Variants in RASSF3 observed in about 807,000 individuals in gnomAD.
RASSF3 encodes the protein Ras association domain family member 3, also known as ras association domain-containing protein 3.
A neutral mutation model predicts 19.9 loss-of-function variants in RASSF3; 19 were observed. The observed-to-expected ratio is 0.96, with a 90% confidence interval of 0.67 to 1.40. The LOEUF is 1.40. RASSF3 is among the 40% of genes most tolerant of loss of function. RASSF3 has a pLI of 0.00. For synonymous variants in RASSF3, 110 were observed against 104.2 expected (o/e 1.06, Z -0.34); for missense variants, 306 against 289.8 (o/e 1.06, Z -0.41).
intron 1 of RASSF3, among the ~76,000 whole-genome samples, chr12:64,634,727 C>T (rs1035020240): frequency 1.4e-5 from 2 of 139,370 alleles, no homozygotes; most frequent in African/African-American, 5.4e-5. Context: ...CACCATTGCA[C>T]TCCAGCCTGC....
At chr12:64,690,797 T>C (rs1454784579) in intron 3 of RASSF3, among the ~76,000 whole-genome samples, 1 of 151,708 alleles carries the variant, frequency 6.6e-6, no homozygotes, top group Non-Finnish European at 1.5e-5. Context: ...TTTTATTGTT[T>C]TTAAAGGAGT....
At chr12:64,589,542 G>C (rs1447145673) in intron 2 of RASSF3, among the ~76,000 whole-genome samples, 1 of 152,208 alleles carries the variant, frequency 6.6e-6, no homozygotes, top group Non-Finnish European at 1.5e-5. Flanking sequence ...CCACATGCCA[G>C]TATTGCTTCC....
At chr12:64,624,579 G>T (rs1870918873) in intron 1 of RASSF3, among the ~76,000 whole-genome samples, 1 of 151,452 alleles carries the variant, frequency 6.6e-6, no homozygotes, top group South Asian at 2.1e-4. Flanking sequence ...CTGGCAAATC[G>T]TTGTACCTCT....
At chr12:64,612,823 A>T (rs1019442292) in intron 1 of RASSF3, among the ~76,000 whole-genome samples, 1 of 152,128 alleles carries the variant, frequency 6.6e-6, no homozygotes, top group African/African-American at 2.4e-5. Flanking sequence ...ATCATCTAGC[A>T]TATATATTAT....
downstream of RASSF3, among the ~76,000 whole-genome samples, chr12:64,545,111 T>C (rs1869031737): frequency 6.6e-6 from 1 of 152,182 alleles, no homozygotes; most frequent in African/African-American, 2.4e-5. Flanking sequence ...TGCAAAGTTG[T>C]ACTAGCCTTT....
intron 3 of RASSF3, among the ~76,000 whole-genome samples, chr12:64,690,318 A>G (rs979860911): frequency 6.6e-6 from 1 of 151,844 alleles, no homozygotes; most frequent in Non-Finnish European, 1.5e-5. Flanking sequence ...AGTAGCTACA[A>G]TTACAAGTGC....
intron 2 of RASSF3, among the ~76,000 whole-genome samples, chr12:64,547,112 A>T (rs569199210): frequency 1.3e-3 from 205 of 152,150 alleles, no homozygotes; most frequent in African/African-American, 4.9e-3. Flanking sequence ...TCTCTACTAA[A>T]TATTAAAAAA....
chr12:64,614,227 G>A (rs547018095), intron 1 of RASSF3, among the ~76,000 whole-genome samples: 2 of 146,426 alleles, frequency 1.4e-5, no homozygotes, highest in South Asian at 2.2e-4. Context: ...TCCGTCTCCC[G>A]CGTGCAAACG....
At chr12:64,612,289 A>T (rs1298518700) in intron 1 of RASSF3, among the ~76,000 whole-genome samples, 1 of 152,096 alleles carries the variant, frequency 6.6e-6, no homozygotes, top group African/African-American at 2.4e-5. Flanking sequence ...ATGAAAAGGA[A>T]CTCATGGTAG....
At chr12:64,585,833 T>G (rs1869787537) in intron 2 of RASSF3, among the ~76,000 whole-genome samples, 3 of 151,938 alleles carry the variant, frequency 2.0e-5, no homozygotes, top group African/African-American at 7.3e-5. Context: ...GTCAAACTCC[T>G]GGGCTCAAGC....
rs1328020133 is a variant in RASSF3, at chr12:64,601,985, C to T, written c.294+60280C>T. 4.0e-5 allele frequency among the ~76,000 whole-genome samples: 6 copies of T among 150,512 alleles called. 1 individual carries two copies. Among genetic ancestry groups the T allele is most frequent in the East Asian group, 4.0e-4 (2 of 4,944 alleles). ...ACAAAAAATTAGCCGGGCGTGGTGG[C>T]GGGCGCCTGTGGTCCCAACTACTCG... On this transcript the variant is annotated intron_variant, in intron 2 of 5. Coordinates refer to the RASSF3 transcript ENST00000637125.
At chr12:64,513,902 CAG>C (rs1214070544) in intron 1 of RASSF3, among the ~76,000 whole-genome samples, 2 of 151,938 alleles carry the variant, frequency 1.3e-5, no homozygotes, top group Non-Finnish European at 2.9e-5. Context: ...TTTTTTGAGA[CAG>C]AGTCTCGCTC....
chr12:64,668,883 G>A (rs567233050), intron 1 of RASSF3, among the ~76,000 whole-genome samples: 161 of 151,516 alleles, frequency 1.1e-3, no homozygotes, highest in African/African-American at 3.6e-3. Flanking sequence ...GGGTTTCACC[G>A]TGGTCTCGAT....
At chr12:64,655,479 T>C (rs957769037) in intron 1 of RASSF3, among the ~76,000 whole-genome samples, 1 of 152,074 alleles carries the variant, frequency 6.6e-6, no homozygotes, top group East Asian at 1.9e-4. Context: ...TATTTTTTTT[T>C]CCTTTTTTTC....
intron 2 of RASSF3, among the ~76,000 whole-genome samples, chr12:64,577,008 T>TA (rs1410590565): frequency 1.3e-5 from 2 of 152,188 alleles, no homozygotes; most frequent in Admixed American, 1.3e-4. Context: ...TTGCAAAAAA[T>TA]AAAAAATAGT....
At chr12:64,613,585 A>G (rs1051008571) in intron 1 of RASSF3, among the ~76,000 whole-genome samples, 4 of 151,868 alleles carry the variant, frequency 2.6e-5, no homozygotes, top group African/African-American at 4.8e-5. Flanking sequence ...AAATGTTTTC[A>G]TTTTTTTTCT....
chr12:64,654,436 G>GT (rs1273254761), intron 1 of RASSF3, among the ~76,000 whole-genome samples: 3 of 151,880 alleles, frequency 2.0e-5, no homozygotes, highest in Non-Finnish European at 4.4e-5. Context: ...AAAGTGCTAG[G>GT]TTTAAAGGCA....
intron 1 of RASSF3, among the ~76,000 whole-genome samples, chr12:64,649,267 A>G (rs1270641528): frequency 6.6e-6 from 1 of 150,408 alleles, no homozygotes. Context: ...ATCTCGGCTC[A>G]CTGCAAGCTC....
At chr12:64,694,712 T>G (rs1868329366) in intron 4 of RASSF3, 51 bp from the exon 5 acceptor site, 1 of 1,605,282 alleles carries the variant, frequency 6.2e-7, no homozygotes, top group Non-Finnish European at 8.5e-7. Context: ...CATTCCTAAG[T>G]CTAACTGAGT....
Sources: gnomAD v4.1 joint callset for allele counts (sites outside exome capture counted in the v4.1 genomes callset) on GRCh38, gnomAD v4.1.1 for gene constraint, MANE v1.5 for transcripts, NCBI Gene and HGNC (gene_info 2026-07-23, HGNC 2026-07-21) for gene names.